MTAP: variants seen among roughly 807,000 people sequenced by gnomAD.
MTAP encodes the protein methylthioadenosine phosphorylase.
Under a neutral mutation model 33.6 loss-of-function variants are expected in MTAP, and 33 were observed. The observed-to-expected ratio is 0.98, with a 90% CI of 0.74 to 1.31. The LOEUF is 1.31. MTAP is among the 40% of genes most tolerant of loss of function. The probability of loss-of-function intolerance (pLI) is 0.00; values close to 1 mark genes in which losing one functional copy is unlikely to be tolerated. For synonymous variants in MTAP, 148 were observed against 125.7 expected, an observed-to-expected ratio of 1.18 and a Z score of -1.19; for missense variants, 367 against 360.0, an observed-to-expected ratio of 1.02 and a Z score of -0.16.
In MTAP at chr9:21,910,086, G is replaced by C. The variant is rs572512943; in HGVS notation, c.148-20922G>C. Reference sequence around the variant, plus strand: ...TTTTAAGTATTCAAAAATGGTATTTGTTTCTTTCATTTATTCATTTGCTAT... The same window carrying C: ...TTTTAAGTATTCAAAAATGGTATTTCTTTCTTTCATTTATTCATTTGCTAT... On this transcript the variant is annotated intron_variant, in intron 1 of 1. Coordinates refer to the MTAP transcript ENST00000577563. Among the ~76,000 whole-genome samples, 101 of 152,192 alleles carry C rather than the reference G, an allele frequency of 6.6e-4. 1 individual carries two copies. In the Middle Eastern group the frequency reaches 0.02, roughly 31 times the overall value.
intron 1 of MTAP, among the ~76,000 whole-genome samples, chr9:21,903,685 A>C (rs1318268190): frequency 6.6e-6 from 1 of 152,190 alleles, no homozygotes; most frequent in African/African-American, 2.4e-5. Context: ...TGAAATGCGA[A>C]AAGTTCCCTT....
At chr9:21,926,748 T>C (rs963084115) in intron 1 of MTAP, among the ~76,000 whole-genome samples, 23 of 152,316 alleles carry the variant, frequency 1.5e-4, no homozygotes, top group Middle Eastern at 3.4e-3. Context: ...AAGAGAGTTA[T>C]GAATCCTGCA....
chr9:21,916,122 G>GGAAGGAAGGAAGGAGGGAA (rs1296578788), intron 1 of MTAP, among the ~76,000 whole-genome samples: 1 of 123,006 alleles, frequency 8.1e-6, no homozygotes, highest in Non-Finnish European at 1.8e-5. Context: ...GAAGGAAGGA[G>GGAAGGAAGGAAGGAGGGAA]GGAGGGAAGG....
At chr9:21,841,570 G>T (rs1457647281) in intron 5 of MTAP, among the ~76,000 whole-genome samples, 2 of 152,142 alleles carry the variant, frequency 1.3e-5, no homozygotes, top group Non-Finnish European at 2.9e-5. Context: ...AGTAGCCACA[G>T]CTTGGAGACC....
chr9:21,909,606 G>C (rs1006240751), intron 1 of MTAP, among the ~76,000 whole-genome samples: 1 of 152,236 alleles, frequency 6.6e-6, no homozygotes, highest in East Asian at 1.9e-4. Flanking sequence ...GGCATACTAA[G>C]CTAATAAGTA....
rs567794387 is a variant in MTAP at position 21,861,870 on chromosome 9, G to A, written c.814-106G>A. 1.3e-5 allele frequency: 10 copies of A among 786,702 alleles called. No individual in the cohort carries two copies. In the Admixed American group the frequency reaches 1.8e-4, roughly 14 times the overall value. The allele number at this position is 786,702 out of a possible 1,614,324, so 48.7% of individuals were successfully genotyped here. A position where few individuals can be genotyped will look rare whatever the true frequency, so the allele number is the denominator to read the frequency against. ...AATTTATTTAAAGTGTATGTTTCCTGCGTCCTCACTTTGATCTAGAAAATC... is the reference window on the plus strand; with the variant it reads ...AATTTATTTAAAGTGTATGTTTCCTACGTCCTCACTTTGATCTAGAAAATC... On this transcript the variant is annotated intron_variant, in intron 7 of 7. Transcript: ENST00000644715.
At chr9:21,883,147 G>T (rs1319578957) in intron 1 of MTAP, among the ~76,000 whole-genome samples, 1 of 151,270 alleles carries the variant, frequency 6.6e-6, no homozygotes, top group Non-Finnish European at 1.5e-5. Flanking sequence ...AAAAACTGGT[G>T]TCCAGAATAT....
At chr9:21,842,131 T>G (rs948520163) in intron 5 of MTAP, among the ~76,000 whole-genome samples, 1 of 151,870 alleles carries the variant, frequency 6.6e-6, no homozygotes, top group African/African-American at 2.4e-5. Context: ...AAATACAAAA[T>G]GTAGTGGAAA....
At chr9:21,850,819 G>A (rs1334818146) in intron 5 of MTAP, among the ~76,000 whole-genome samples, 1 of 152,162 alleles carries the variant, frequency 6.6e-6, no homozygotes, top group Non-Finnish European at 1.5e-5. Context: ...GCAGCATTCA[G>A]TTATCAAATG....
chr9:21,890,052 A>C (rs1157590795), intron 1 of MTAP, among the ~76,000 whole-genome samples: 14 of 152,046 alleles, frequency 9.2e-5, no homozygotes, highest in Admixed American at 9.2e-4. Flanking sequence ...AGGTAGAGAA[A>C]GACCATCAGG....
chr9:21,885,982 T>C (rs1474479937), intron 1 of MTAP, among the ~76,000 whole-genome samples: 1 of 152,120 alleles, frequency 6.6e-6, no homozygotes, highest in Non-Finnish European at 1.5e-5. Context: ...TACCCAGTCA[T>C]GGGATTGCTG....
chr9:21,847,236 C>T (rs568755588), intron 5 of MTAP, among the ~76,000 whole-genome samples: 1 of 152,294 alleles, frequency 6.6e-6, no homozygotes, highest in East Asian at 1.9e-4. Flanking sequence ...TATTGTGGGA[C>T]CTTGTGATAA....
chr9:21,891,536 T>C (rs577309553), intron 1 of MTAP, among the ~76,000 whole-genome samples: 1 of 152,070 alleles, frequency 6.6e-6, no homozygotes, highest in East Asian at 1.9e-4. Context: ...GCTATGGAAA[T>C]AAACTCAGAG....
chr9:21,806,408 G>A (rs1276926312), intron 1 of MTAP, among the ~76,000 whole-genome samples: 2 of 151,884 alleles, frequency 1.3e-5, no homozygotes, highest in African/African-American at 4.8e-5. Flanking sequence ...AAGGGGCCAC[G>A]AGTGACTCCT....
intron 1 of MTAP, among the ~76,000 whole-genome samples, chr9:21,902,944 C>G (rs1351825996): frequency 2.6e-5 from 4 of 152,172 alleles, no homozygotes; most frequent in Admixed American, 2.6e-4. Context: ...TAAATAAAAA[C>G]TGAAATTCCC....
At chr9:21,924,268 G>A (rs994117087) in intron 1 of MTAP, among the ~76,000 whole-genome samples, 1 of 152,042 alleles carries the variant, frequency 6.6e-6, no homozygotes, top group Admixed American at 6.5e-5. Flanking sequence ...TCACAGATGG[G>A]TAATCACATC....
intron 4 of MTAP, among the ~76,000 whole-genome samples, chr9:21,821,356 G>C (rs1824633533): frequency 1.3e-5 from 2 of 152,288 alleles, no homozygotes; most frequent in Admixed American, 1.3e-4. Context: ...TTTTGTCAAA[G>C]GCCTATTCTG....
intron 1 of MTAP, among the ~76,000 whole-genome samples, chr9:21,812,725 A>T (rs1046060562): frequency 6.6e-6 from 1 of 152,058 alleles, no homozygotes; most frequent in East Asian, 1.9e-4. Context: ...CATGAACTTG[A>T]CCTCTCTGAG....
At chr9:21,823,339 C>G (rs754398504) in intron 4 of MTAP, among the ~76,000 whole-genome samples, 4 of 152,160 alleles carry the variant, frequency 2.6e-5, no homozygotes, top group Admixed American at 6.5e-5. Flanking sequence ...ATTTGCTTGT[C>G]TGTAAAGGAT....
Sources: gnomAD v4.1 joint callset for allele counts (sites outside exome capture counted in the v4.1 genomes callset) on GRCh38, gnomAD v4.1.1 for gene constraint, MANE v1.5 for transcripts, NCBI Gene and HGNC (gene_info 2026-07-23, HGNC 2026-07-21) for gene names.